Variants in SHROOM2 observed in about 807,000 individuals in gnomAD.
The protein encoded by SHROOM2 is protein Shroom2.
A neutral mutation model predicts 75.9 loss-of-function variants in SHROOM2; 33 were observed. The observed-to-expected ratio is 0.43, with a 90% CI of 0.33 to 0.58. The LOEUF (loss-of-function observed/expected upper bound fraction) is 0.58, where lower values mean the gene tolerates loss of function less well. SHROOM2 is among the 20% of genes least tolerant of loss of function. The pLI, the probability that SHROOM2 is intolerant of heterozygous loss-of-function variation, is 0.04. For missense variants in SHROOM2, 1,434 were observed against 1,461.2 expected (o/e 0.98, Z 0.30); for synonymous variants, 655 against 663.6 (o/e 0.99, Z 0.20).
intron 5 of SHROOM2, among the ~76,000 whole-genome samples, chrX:9,919,121 T>A (rs1276887738): frequency 9.0e-6 from 1 of 111,040 alleles, no homozygotes; most frequent in African/African-American, 3.3e-5. Context: ...CCAGGCATTG[T>A]GTTGGACCTG....
At chrX:9,911,466 A>G (rs1338169833) in intron 5 of SHROOM2, among the ~76,000 whole-genome samples, 1 of 111,877 alleles carries the variant, frequency 8.9e-6, no homozygotes, top group Non-Finnish European at 1.9e-5. Flanking sequence ...AATGTAGAAG[A>G]GGGTGACAGG....
intron 2 of SHROOM2, among the ~76,000 whole-genome samples, chrX:9,890,576 G>A (rs1177922347): frequency 8.8e-6 from 1 of 113,546 alleles, no homozygotes; most frequent in Non-Finnish European, 1.9e-5. Flanking sequence ...AAGCGTGCGC[G>A]CTGTGCGCAT....
At chrX:9,823,148 T>C (rs183817585) in intron 1 of SHROOM2, among the ~76,000 whole-genome samples, 4,306 of 67,085 alleles carry the variant, frequency 0.064, 396 homozygotes, top group African/African-American at 0.22. Context: ...TCCTTCTCCT[T>C]CTTCCTTCTT....
rs984444126 is a variant in SHROOM2, at chrX:9,875,641, A to G, written c.317+1838A>G. On this transcript the variant is annotated intron_variant, in intron 2 of 9. Coordinates refer to ENST00000380913, the MANE Select transcript of SHROOM2 (RefSeq NM_001649.4). ...GGCATAGCTATGCGTAGAAATTCCT[A>G]GCATGGGAGTTCCTGAGTCGGAAGG... 3.6e-5 allele frequency among the ~76,000 whole-genome samples: 4 copies of G among 112,146 alleles called. No individual in the cohort carries two copies. In the East Asian group the frequency reaches 1.1e-3, roughly 31 times the overall value.
chrX:9,791,975 A>G (rs751507211), intron 1 of SHROOM2, among the ~76,000 whole-genome samples: 12 of 44 alleles, frequency 0.27, 1 homozygote, highest in Non-Finnish European at 0.43. Flanking sequence ...TCTCGAGAAT[A>G]GAATAGAATA....
rs771942905 is a variant in SHROOM2, at chrX:9,821,304, G to A, written c.165+34594G>A. ...TGAATTTTAACAACTGGCTCAGATG[G>A]TTTTATACACACTGAAATCGGAACC... On this transcript the variant is annotated intron_variant, in intron 1 of 9. Transcript: ENST00000380913. Among the ~76,000 whole-genome samples, 65 of 112,150 alleles carry A rather than the reference G, an allele frequency of 5.8e-4. 1 individual carries two copies. Among genetic ancestry groups the A allele is most frequent in the African/African-American group, 1.9e-3 (59 of 30,894 alleles).
chrX:9,794,051 C>A (rs2083681679), intron 1 of SHROOM2, among the ~76,000 whole-genome samples: 1 of 112,222 alleles, frequency 8.9e-6, no homozygotes, highest in Non-Finnish European at 1.9e-5. Context: ...GGCCTCTTCC[C>A]CGCTCTGAGG....
chrX:9,936,064 G>C (rs1377082379), intron 6 of SHROOM2, among the ~76,000 whole-genome samples: 1 of 110,749 alleles, frequency 9.0e-6, no homozygotes, highest in Non-Finnish European at 1.9e-5. Flanking sequence ...TCCCAGGGAT[G>C]CTTTAGGTAC....
intron 1 of SHROOM2, among the ~76,000 whole-genome samples, chrX:9,802,358 TAAC>T (rs1210475521): frequency 8.9e-6 from 1 of 112,749 alleles, no homozygotes; most frequent in East Asian, 2.8e-4. Context: ...ACCCATATTT[TAAC>T]AACGTGATTC....
At chrX:9,808,505 C>T (rs1343886960) in intron 1 of SHROOM2, among the ~76,000 whole-genome samples, 3 of 110,442 alleles carry the variant, frequency 2.7e-5, no homozygotes, top group Non-Finnish European at 5.7e-5. Context: ...GCTATCATTA[C>T]GGCACTGTAC....
chrX:9,816,164 G>A (rs1044143666), intron 1 of SHROOM2, among the ~76,000 whole-genome samples: 11 of 112,356 alleles, frequency 9.8e-5, no homozygotes, highest in African/African-American at 3.2e-4. Flanking sequence ...AATGGACTGC[G>A]TTTTGTTCAT....
intron 1 of SHROOM2, among the ~76,000 whole-genome samples, chrX:9,856,029 T>TC (rs1267502403): frequency 9.3e-6 from 1 of 107,280 alleles, no homozygotes; most frequent in East Asian, 2.9e-4. Flanking sequence ...GTTTCCTTTT[T>TC]TTTTTTTTTT....
chrX:9,898,042 A>G (rs186767550), intron 4 of SHROOM2, 148 bp from the exon 5 acceptor site: 2 of 509,237 alleles, frequency 3.9e-6, no homozygotes, highest in Non-Finnish European at 7.1e-6. Flanking sequence ...ACAGAAGTGG[A>G]CGTGGGGTCT....
At chrX:9,845,678 C>G (rs1367582123) in intron 1 of SHROOM2, among the ~76,000 whole-genome samples, 1 of 110,610 alleles carries the variant, frequency 9.0e-6, no homozygotes, top group Non-Finnish European at 1.9e-5. Context: ...GCTCCCGTCA[C>G]CCTCCTTTCT....
chrX:9,903,253 A>C (rs1210076581), intron 5 of SHROOM2, among the ~76,000 whole-genome samples: 1 of 112,300 alleles, frequency 8.9e-6, no homozygotes, highest in Non-Finnish European at 1.9e-5. Context: ...CCTGGCCTTC[A>C]ATTAGCTCAG....
rs142857284 is a variant in SHROOM2 at position 9,812,973 on chromosome X, G to A, written c.165+26263G>A. Reference sequence around the variant, plus strand: ...GAAATCACCACTTGGTGAAGCTTACGATAATCCAGTGTCATTCTCCAAGAT... The same window carrying A: ...GAAATCACCACTTGGTGAAGCTTACAATAATCCAGTGTCATTCTCCAAGAT... On this transcript the variant is annotated intron_variant, in intron 1 of 9. Transcript: ENST00000380913. Among the ~76,000 whole-genome samples the A allele has an allele frequency of 2.3e-3, 257 of 112,325 alleles. 2 individuals are homozygous for A. The highest frequency in any genetic ancestry group is 7.9e-3 in the African/African-American group (246 of 30,959).
intron 1 of SHROOM2, among the ~76,000 whole-genome samples, chrX:9,798,060 G>T (rs2083704659): frequency 9.0e-6 from 1 of 111,458 alleles, no homozygotes; most frequent in Non-Finnish European, 1.9e-5. Flanking sequence ...AGATAAAGTT[G>T]AAAGCCAGAT....
chrX:9,797,144 C>G (rs974000500), intron 1 of SHROOM2, among the ~76,000 whole-genome samples: 10 of 112,462 alleles, frequency 8.9e-5, no homozygotes, highest in African/African-American at 3.2e-4. Context: ...CTCTCAGACA[C>G]TGTTGGGCCA....
In SHROOM2 at chrX:9,892,660, G is replaced by A. The variant is rs144313515; in HGVS notation, c.449+1552G>A. On this transcript the variant is annotated intron_variant, in intron 3 of 9. Coordinates refer to ENST00000380913, the MANE Select transcript of SHROOM2 (RefSeq NM_001649.4). ...AAAGTCCCTTCCAGAATACTGGTGG[G>A]TAGTCAGGAGCATGCCCCGGGTTTG... Among the ~76,000 whole-genome samples, 517 of 111,834 alleles carry A rather than the reference G, an allele frequency of 4.6e-3. 1 individual carries two copies. The highest frequency in any genetic ancestry group is 0.016 in the African/African-American group (491 of 30,780).
Sources: allele counts gnomAD v4.1 joint callset (sites outside exome capture counted in the v4.1 genomes callset), GRCh38; gene constraint gnomAD v4.1.1; transcripts MANE v1.5; gene names NCBI Gene and HGNC (gene_info 2026-07-23, HGNC 2026-07-21).